ZNF462: variants seen among roughly 807,000 people sequenced by gnomAD.
ZNF462 encodes the protein zinc finger PBX1-interacting protein.
In ZNF462, 10 loss-of-function variants were observed where a neutral mutation model predicts 201.9. That is an observed-to-expected ratio of 0.05 (90% CI 0.03 to 0.08). The LOEUF is 0.08. Among genes scored for constraint, ZNF462 ranks in the 10% least tolerant of loss-of-function variants. The probability of loss-of-function intolerance (pLI) is 1.00; values close to 1 mark genes in which losing one functional copy is unlikely to be tolerated. For synonymous variants in ZNF462, 1,227 were observed against 1,193.3 expected (o/e 1.03, Z -0.58); for missense variants, 2,523 against 3,168.3 (o/e 0.80, Z 4.89).
intron 4 of ZNF462, among the ~76,000 whole-genome samples, chr9:106,931,408 T>G (rs1210355621): frequency 6.6e-6 from 1 of 152,226 alleles, no homozygotes; most frequent in East Asian, 1.9e-4. Flanking sequence ...GAAGTCATTT[T>G]GGGGTTCTGC....
At chr9:106,937,198 C>T (rs958188281) in intron 6 of ZNF462, among the ~76,000 whole-genome samples, 3 of 152,050 alleles carry the variant, frequency 2.0e-5, no homozygotes, top group Non-Finnish European at 2.9e-5. Context: ...ATTCACACAA[C>T]CAAGCTTGCA....
chr9:106,923,543 C>G lies in ZNF462; in HGVS notation c.160C>G (p.Gln54Glu), dbSNP rs761861515. The change falls in exon 2 of 13, where the codon CAG becomes GAG. Residue 54 changes from glutamine (Q) to glutamate (E), a missense_variant. Physicochemically the swap from Gln to Glu is conservative, Grantham distance 29 (BLOSUM62 2). Transcript: ENST00000277225. The surrounding 1 kb of genome is among the most constrained non-coding windows in gnomAD (Gnocchi z 5.6). ...ATGTGGGTCCGTGAATGCCAGTAAT[C>G]AGACAGAGGTGGAGTTTTCTTCTAT... The part of the protein sequence containing the change: ...LRCGSVNASN[Q>E]TEVEFSSIKD... 2 of 1,614,102 alleles carry G rather than the reference C, an allele frequency of 1.2e-6. No individual in the cohort carries two copies. Among genetic ancestry groups the G allele is most frequent in the African/African-American group, 1.3e-5 (1 of 74,930 alleles).
At chr9:106,889,669 A>G (rs1423008090) in intron 1 of ZNF462, among the ~76,000 whole-genome samples, 1 of 152,096 alleles carries the variant, frequency 6.6e-6, no homozygotes, top group Non-Finnish European at 1.5e-5. Flanking sequence ...CTTACTGAGC[A>G]TTTGACTGCT....
rs563922122 is a variant in ZNF462, at chr9:106,893,765, T to C, written c.-30-29589T>C. On this transcript the variant is annotated intron_variant, in intron 1 of 12. Transcript: ENST00000277225. The stretch of plus-strand genomic sequence containing the variant: ...TATTGTTGTGCAGTGGATGTAATTT[T>C]ATTGTTATTTCTATTTAGCATATGA... 3.9e-5 allele frequency among the ~76,000 whole-genome samples: 6 copies of C among 152,328 alleles called. No homozygotes were observed. The South Asian group carries it at 1.2e-3, about 32-fold the overall frequency.
At chr9:106,975,164 G>C (rs976133813) in intron 9 of ZNF462, 1 of 152,212 alleles carries the variant, frequency 6.6e-6, no homozygotes, top group Non-Finnish European at 1.5e-5. Context: ...TGCCAGTCTT[G>C]ATTGGTGTTT....
chr9:106,915,174 T>G (rs551524199), intron 1 of ZNF462, among the ~76,000 whole-genome samples: 32 of 150,448 alleles, frequency 2.1e-4, no homozygotes, highest in Non-Finnish European at 3.8e-4. Context: ...AACAAATTCC[T>G]TAATGGCTGG....
In ZNF462 at chr9:106,926,901, G is replaced by T; in HGVS notation, c.2989G>T (p.Gly997Cys). ...GGCGACTTCCACACCTGTGGCTCGT[G>T]GTGGTGGTTTGCCAGCTACGTTCAA... ...NMATSTPVARGGGLPATFNKN... is the reference protein window; with the variant it reads ...NMATSTPVARCGGLPATFNKN... Residue 997 changes from glycine (G) to cysteine (C), a missense_variant, in exon 3 of 13, where the codon GGT (glycine) becomes TGT (cysteine). Gly to Cys is a radical substitution (Grantham distance 159). Transcript: ENST00000277225. This position sits in a 1 kb window ranked among gnomAD's most constrained non-coding sequence, Gnocchi z 7.9. 6.2e-7 allele frequency: 1 copy of T among 1,614,100 alleles called. No individual in the cohort carries two copies.
At chr9:106,901,200 T>G (rs767336391) in intron 1 of ZNF462, among the ~76,000 whole-genome samples, 18 of 152,116 alleles carry the variant, frequency 1.2e-4, no homozygotes, top group Admixed American at 7.9e-4. Context: ...ATGTTTTTGT[T>G]TGCTTTGTTG....
At chr9:106,983,365 C>T (rs1222647940) in intron 9 of ZNF462, among the ~76,000 whole-genome samples, 1 of 152,158 alleles carries the variant, frequency 6.6e-6, no homozygotes, top group Admixed American at 6.6e-5. Context: ...CTGCGCAACC[C>T]CACCTCCCCC....
Position 106,925,610 on chromosome 9 carries a change from A to G in ZNF462, c.1698A>G (p.Pro566=), listed in dbSNP as rs1381590340. The G allele has an allele frequency of 1.2e-6, 2 of 1,612,094 alleles. No homozygotes were observed. Among genetic ancestry groups the G allele is most frequent in the South Asian group, 2.2e-5 (2 of 91,008 alleles). The change falls in exon 3 of 13, where the codon CCA becomes CCG. Residue 566 remains proline (P), a synonymous_variant. Transcript: ENST00000277225. The surrounding 1 kb of genome is among the most constrained non-coding windows in gnomAD (Gnocchi z 7.9). ...AGCCACTGCAGCAGCCACAGCCACC[A>G]CAGCTGCAGCCACCACATCAGGTGC... ...QPQPLQQPQP[P]QLQPPHQVPP...
rs1828346370 is a variant in ZNF462 at position 106,886,951 on chromosome 9, C to T, written c.-31+23596C>T. On this transcript the variant is annotated intron_variant, in intron 1 of 12. Transcript: ENST00000277225. The surrounding 1 kb of genome is among the most constrained non-coding windows in gnomAD (Gnocchi z 4.6). ...GTAAATGACAGGCGGTGGCACTTCC[C>T]TATACTTGCTGTCCCTTACAATTAT... is the stretch of plus-strand genomic sequence containing the variant. 6.6e-6 allele frequency among the ~76,000 whole-genome samples: 1 copy of T among 152,108 alleles called. No homozygotes were observed. The highest frequency in any genetic ancestry group is 1.5e-5 in the Non-Finnish European group (1 of 68,036).
chr9:106,891,168 TAAC>T (rs959062013), intron 1 of ZNF462, among the ~76,000 whole-genome samples: 7 of 152,238 alleles, frequency 4.6e-5, no homozygotes, highest in South Asian at 2.1e-4. Flanking sequence ...ACTGAATAAA[TAAC>T]AACAAGAGAC....
At chr9:106,947,023 A>G (rs1177764016) in intron 7 of ZNF462, among the ~76,000 whole-genome samples, 1 of 152,242 alleles carries the variant, frequency 6.6e-6, no homozygotes, top group Admixed American at 6.5e-5. Flanking sequence ...TGGTGATTAA[A>G]CAAAAATGGT....
chr9:107,011,318 G>T lies in ZNF462; in HGVS notation c.*288G>T, dbSNP rs1390368495. On this transcript the variant is annotated 3_prime_UTR_variant, in exon 13 of 13. Coordinates refer to ENST00000277225, the MANE Select transcript of ZNF462 (RefSeq NM_021224.6). The surrounding 1 kb of genome is among the most constrained non-coding windows in gnomAD (Gnocchi z 5.6). ...CGGAATATGGAAGCACCTCCCAATG[G>T]TACGGTGCACCCTGTGGTGGTCTTG... The T allele has an allele frequency of 2.7e-6, 1 of 373,954 alleles. No individual in the cohort carries two copies. The highest frequency in any genetic ancestry group is 5.0e-6 in the Non-Finnish European group (1 of 198,036). The allele number at this position is 373,954 out of a possible 1,614,324, so 23.2% of individuals were successfully genotyped here. A position where few individuals can be genotyped will look rare whatever the true frequency, so the allele number is the denominator to read the frequency against.
At chr9:106,979,611 A>T (rs1827268127) in intron 9 of ZNF462, 1 of 151,530 alleles carries the variant, frequency 6.6e-6, no homozygotes, top group South Asian at 2.1e-4. Context: ...GGATACAGCC[A>T]TGAAGAGTCA....
At chr9:106,922,644 A>G (rs1270394969) in intron 1 of ZNF462, among the ~76,000 whole-genome samples, 2 of 152,204 alleles carry the variant, frequency 1.3e-5, no homozygotes, top group African/African-American at 4.8e-5. Flanking sequence ...TCTCATGAGG[A>G]ATATTTTATG....
chr9:106,930,882 G>T lies in ZNF462; in HGVS notation c.6012+193G>T. 1 of 614,164 alleles carries T rather than the reference G, an allele frequency of 1.6e-6. No homozygotes were observed. Among genetic ancestry groups the T allele is most frequent in the Non-Finnish European group, 2.7e-6 (1 of 373,364 alleles). 38.0% of individuals were successfully genotyped at this position (614,164 alleles called of 1,614,324 possible). A position where few individuals can be genotyped will look rare whatever the true frequency, so the allele number is the denominator to read the frequency against. On this transcript the variant is annotated intron_variant, in intron 4 of 12. Transcript: ENST00000277225. This position sits in a 1 kb window ranked among gnomAD's most constrained non-coding sequence, Gnocchi z 5.8. Reference sequence around the variant, plus strand: ...TCATCTTTCTGTTCAGGGAAAGGTCGAGTTTCGATCTGGTTTCCTTCCACG... The same window carrying T: ...TCATCTTTCTGTTCAGGGAAAGGTCTAGTTTCGATCTGGTTTCCTTCCACG...
At chr9:106,958,216 G>T (rs1445017475) in intron 7 of ZNF462, among the ~76,000 whole-genome samples, 3 of 151,392 alleles carry the variant, frequency 2.0e-5, no homozygotes, top group African/African-American at 7.3e-5. Context: ...CATCTGAGAG[G>T]TCAGGACTGT....
chr9:107,012,709 A>AT lies in ZNF462; in HGVS notation c.*1680dup, dbSNP rs1829988651. 5 of 38,238 alleles carry AT rather than the reference A, an allele frequency of 1.3e-4. No homozygotes were observed. The highest frequency in any genetic ancestry group is 5.4e-4 in the African/African-American group (4 of 7,432). The allele number at this position is 38,238 out of a possible 1,614,324, so 2.4% of individuals were successfully genotyped here. ...TGCACGTGTGAATCCTTTGGTTTTC[A>AT]TGTTTTTTTTTTTTTTTTTTTACTT... On this transcript the variant is annotated 3_prime_UTR_variant, in exon 13 of 13. Coordinates refer to ENST00000277225, the MANE Select transcript of ZNF462 (RefSeq NM_021224.6).
Sources: gnomAD v4.1 joint callset for allele counts (sites outside exome capture counted in the v4.1 genomes callset) on GRCh38, gnomAD v4.1.1 for gene constraint, Gnocchi (gnomAD v3.1) non-coding constraint, MANE v1.5 for transcripts, NCBI Gene and HGNC (gene_info 2026-07-23, HGNC 2026-07-21) for gene names.